LY86: variants seen among roughly 807,000 people sequenced by gnomAD.
LY86 encodes lymphocyte antigen 86.
A neutral mutation model predicts 17.3 loss-of-function variants in LY86; 20 were observed. That is an observed-to-expected ratio of 1.15 (90% CI 0.81 to 1.68). The LOEUF is 1.68. Ranked by LOEUF, LY86 falls within the 40% of genes most tolerant of loss-of-function variation. The probability of loss-of-function intolerance (pLI) is 0.00; values close to 1 mark genes in which losing one functional copy is unlikely to be tolerated. For synonymous variants in LY86, 74 were observed against 70.6 expected, an observed-to-expected ratio of 1.05 and a Z score of -0.24; for missense variants, 200 against 191.9, an observed-to-expected ratio of 1.04 and a Z score of -0.25.
intron 3 of LY86, among the ~76,000 whole-genome samples, chr6:6,642,492 C>A (rs1368596170): frequency 2.0e-5 from 3 of 152,206 alleles, no homozygotes; most frequent in Non-Finnish European, 4.4e-5. Flanking sequence ...CTTACCTACC[C>A]ACACTGCCTG....
At chr6:6,606,011 A>C (rs1282900375) in intron 1 of LY86, among the ~76,000 whole-genome samples, 1 of 152,188 alleles carries the variant, frequency 6.6e-6, no homozygotes, top group Non-Finnish European at 1.5e-5. Flanking sequence ...AAGCAAAAGA[A>C]CAAAACTTCC....
intron 3 of LY86, among the ~76,000 whole-genome samples, chr6:6,627,525 C>T (rs150937930): frequency 1.5e-4 from 23 of 152,308 alleles, no homozygotes; most frequent in Non-Finnish European, 3.1e-4. Context: ...CTAGCGTTTG[C>T]CATGTTGGAC....
chr6:6,595,237 G>A (rs1014992803), intron 1 of LY86, among the ~76,000 whole-genome samples: 2 of 150,218 alleles, frequency 1.3e-5, no homozygotes, highest in Admixed American at 6.7e-5. Flanking sequence ...AGTAGGAGGA[G>A]GGAAGAGAAC....
In LY86 at chr6:6,588,832, G is replaced by A. The variant is rs774971248; in HGVS notation, c.98G>A (p.Cys33Tyr). 1.2e-6 allele frequency: 2 copies of A among 1,614,148 alleles called. No individual in the cohort carries two copies. Among genetic ancestry groups the A allele is most frequent in the Non-Finnish European group, 1.7e-6 (2 of 1,180,014 alleles). The change falls in exon 1 of 5, where the codon TGT becomes TAT. Residue 33 changes from cysteine (C) to tyrosine (Y), a missense_variant. Coordinates refer to ENST00000230568, the MANE Select transcript of LY86 (RefSeq NM_004271.4). ...AAAGCCTGGCCCACACACGTGGTCT[G>A]TAGCGACAGCGGCTTGGAAGTGCTC... ...GGKAWPTHVV[C>Y]SDSGLEVLYQ...
intron 4 of LY86, among the ~76,000 whole-genome samples, chr6:6,652,683 C>G (rs149056084): frequency 1.6e-3 from 245 of 152,320 alleles, no homozygotes; most frequent in African/African-American, 5.4e-3. Context: ...CTGTGCCCTC[C>G]TCAACAGCAG....
chr6:6,652,442 T>A (rs1285958081), intron 4 of LY86, among the ~76,000 whole-genome samples: 1 of 152,068 alleles, frequency 6.6e-6, no homozygotes, highest in Non-Finnish European at 1.5e-5. Context: ...CCAAAAACGC[T>A]CCCACTCAGC....
chr6:6,609,710 T>C (rs1202766640), intron 1 of LY86, among the ~76,000 whole-genome samples: 4 of 152,072 alleles, frequency 2.6e-5, no homozygotes, highest in East Asian at 1.9e-4. Context: ...TGCTGGGGGA[T>C]TGGAGGCAGC....
At chr6:6,590,297 C>T (rs1285957478) in intron 1 of LY86, among the ~76,000 whole-genome samples, 1 of 152,066 alleles carries the variant, frequency 6.6e-6, no homozygotes, top group Non-Finnish European at 1.5e-5. Context: ...AATGAGACAG[C>T]TACTAAGTGA....
chr6:6,604,470 T>C (rs1332173174), intron 1 of LY86, among the ~76,000 whole-genome samples: 1 of 152,154 alleles, frequency 6.6e-6, no homozygotes, highest in Non-Finnish European at 1.5e-5. Flanking sequence ...TGTTAAAACA[T>C]TGTTTTTAAA....
intron 1 of LY86, among the ~76,000 whole-genome samples, chr6:6,614,377 CTTT>C (rs57187485): frequency 3.5e-4 from 51 of 145,556 alleles, no homozygotes; most frequent in Middle Eastern, 3.6e-3. Context: ...AATCACGTCT[CTTT>C]TTTTTTTTTT....
intron 3 of LY86, among the ~76,000 whole-genome samples, chr6:6,642,948 G>GGTCC (rs778286847): frequency 6.6e-6 from 1 of 152,132 alleles, no homozygotes; most frequent in Non-Finnish European, 1.5e-5. Flanking sequence ...CCCTCACCTT[G>GGTCC]GTCCTCCATT....
At chr6:6,611,991 G>C (rs79546706) in intron 1 of LY86, among the ~76,000 whole-genome samples, 4 of 136,730 alleles carry the variant, frequency 2.9e-5, no homozygotes, top group South Asian at 2.2e-4. Context: ...CCCCTTAACT[G>C]AGTACTGAAC....
At chr6:6,648,598 T>C (rs1762140790) in intron 3 of LY86, among the ~76,000 whole-genome samples, 1 of 152,192 alleles carries the variant, frequency 6.6e-6, no homozygotes, top group South Asian at 2.1e-4. Flanking sequence ...GACGCCTCCA[T>C]GACCTGCCAC....
At chr6:6,610,502 G>C (rs980458372) in intron 1 of LY86, among the ~76,000 whole-genome samples, 21 of 151,946 alleles carry the variant, frequency 1.4e-4, no homozygotes, top group Non-Finnish European at 8.8e-5. Flanking sequence ...GCTTAAAATA[G>C]TGCTCAGTTC....
At chr6:6,648,590 C>T (rs994615184) in intron 3 of LY86, among the ~76,000 whole-genome samples, 8 of 152,194 alleles carry the variant, frequency 5.3e-5, no homozygotes, top group South Asian at 2.1e-4. Flanking sequence ...TCCTTACAGA[C>T]GCCTCCATGA....
At chr6:6,591,287 C>T (rs1386420175) in intron 1 of LY86, 1 of 153,776 alleles carries the variant, frequency 6.5e-6, no homozygotes, top group African/African-American at 2.4e-5. Flanking sequence ...GAAGTTTCCC[C>T]ATGGAGTCAG....
intron 1 of LY86, among the ~76,000 whole-genome samples, chr6:6,611,905 G>A (rs1315786029): frequency 1.3e-5 from 2 of 152,128 alleles, no homozygotes; most frequent in Non-Finnish European, 2.9e-5. Context: ...AAAAAAATCA[G>A]ACTGCTGCTG....
Position 6,615,626 on chromosome 6 carries a change from G to C in LY86, c.137-9300G>C, listed in dbSNP as rs537703767. Reference sequence around the variant, plus strand: ...AATGCCAGCTACTGGAGAGGCTGAGGCATGAGAATCCCTTGAGCCTGGGAG... The same window carrying C: ...AATGCCAGCTACTGGAGAGGCTGAGCCATGAGAATCCCTTGAGCCTGGGAG... On this transcript the variant is annotated intron_variant, in intron 1 of 4. Coordinates refer to ENST00000230568, the MANE Select transcript of LY86 (RefSeq NM_004271.4). Among the ~76,000 whole-genome samples, 10 of 151,290 alleles carry C rather than the reference G, an allele frequency of 6.6e-5. No individual in the cohort carries two copies. In the South Asian group the frequency reaches 1.9e-3, roughly 29 times the overall value.
intron 1 of LY86, among the ~76,000 whole-genome samples, chr6:6,596,213 C>G (rs1361852382): frequency 6.6e-6 from 1 of 152,146 alleles, no homozygotes; most frequent in Non-Finnish European, 1.5e-5. Context: ...CATCTCCGTA[C>G]AGAATAGAGG....
Sources: gnomAD v4.1 joint callset for allele counts (sites outside exome capture counted in the v4.1 genomes callset) on GRCh38, gnomAD v4.1.1 for gene constraint, MANE v1.5 for transcripts, NCBI Gene and HGNC (gene_info 2026-07-23, HGNC 2026-07-21) for gene names.